ARHGEF28: variants seen among roughly 807,000 people sequenced by gnomAD.
ARHGEF28 encodes the protein 190 kDa guanine nucleotide exchange factor.
In ARHGEF28, 152 loss-of-function variants were observed where a neutral mutation model predicts 206.6. The observed-to-expected ratio is 0.74, with a 90% CI of 0.64 to 0.84. The LOEUF is 0.84. Among genes scored for constraint, ARHGEF28 ranks in the 40% least tolerant of loss-of-function variants. The pLI is 0.00. For missense variants in ARHGEF28, 2,028 were observed against 2,073.2 expected (o/e 0.98, Z 0.42); for synonymous variants, 763 against 776.4 (o/e 0.98, Z 0.29).
intron 9 of ARHGEF28, among the ~76,000 whole-genome samples, chr5:73,818,584 C>G (rs939755953): frequency 3.3e-5 from 5 of 152,122 alleles, no homozygotes; most frequent in African/African-American, 1.2e-4. Flanking sequence ...TTCTTTGGCT[C>G]TCAATGAAGG....
At chr5:73,939,433 T>C (rs6861023) in intron 35 of ARHGEF28, among the ~76,000 whole-genome samples, 1,548 of 152,322 alleles carry the variant, frequency 0.01, 27 homozygotes, top group African/African-American at 0.035. Flanking sequence ...GGGTCAGGGA[T>C]GGGCTAAGCC....
Position 73,710,422 on chromosome 5 carries a change from T to C in ARHGEF28, c.33+25538T>C, listed in dbSNP as rs568253418. On this transcript the variant is annotated intron_variant, in intron 2 of 35. Transcript: ENST00000513042. ...TTATTGGATTGTTTTCTTGTTGAGA[T>C]GTAAGGGTCCTGGATACAGCTTCCT... Among the ~76,000 whole-genome samples the C allele has an allele frequency of 1.2e-4, 18 of 152,352 alleles. 3 individuals carry two copies. The highest frequency in any genetic ancestry group is 4.1e-4 in the African/African-American group (17 of 41,580).
chr5:73,813,950 A>C (rs1167419646), intron 9 of ARHGEF28, among the ~76,000 whole-genome samples: 3 of 151,928 alleles, frequency 2.0e-5, no homozygotes, highest in African/African-American at 7.3e-5. Flanking sequence ...GTATAAGGTA[A>C]ATGTTTTGGA....
chr5:73,698,909 G>C (rs1206273326), intron 2 of ARHGEF28, among the ~76,000 whole-genome samples: 2 of 151,882 alleles, frequency 1.3e-5, no homozygotes, highest in Admixed American at 1.3e-4. Context: ...GAGGGTTGCT[G>C]TGAGCCTGGG....
At chr5:73,662,580 T>A (rs1188000303) in intron 1 of ARHGEF28, among the ~76,000 whole-genome samples, 1 of 152,256 alleles carries the variant, frequency 6.6e-6, no homozygotes, top group Non-Finnish European at 1.5e-5. Context: ...ATGCAGATTA[T>A]ACATTTTTAA....
At chr5:73,898,253 A>C in intron 30 of ARHGEF28, 160 bp downstream of exon 30, 1 of 842,468 alleles carries the variant, frequency 1.2e-6, no homozygotes, top group Non-Finnish European at 1.7e-6. Flanking sequence ...AGCCTAAATG[A>C]ATATCATAGG....
intron 2 of ARHGEF28, among the ~76,000 whole-genome samples, chr5:73,712,047 G>C (rs1324436054): frequency 6.6e-6 from 1 of 151,618 alleles, no homozygotes; most frequent in Non-Finnish European, 1.5e-5. Context: ...TCTATTAGAT[G>C]GCATGGTTTT....
At chr5:73,742,560 C>T (rs1751497198) in intron 2 of ARHGEF28, among the ~76,000 whole-genome samples, 2 of 151,466 alleles carry the variant, frequency 1.3e-5, no homozygotes, top group Admixed American at 1.3e-4. Context: ...CGCAGTGGCT[C>T]ACGCCTGTAA....
chr5:73,773,936 C>T lies in ARHGEF28; in HGVS notation c.557C>T (p.Pro186Leu), dbSNP rs373137865. The T allele has an allele frequency of 1.5e-4, 245 of 1,607,472 alleles. 1 individual carries two copies. The South Asian group carries it at 1.8e-3, about 12-fold the overall frequency. ...AKLSQFFLCL[P>L]GGVQALALPN... is the part of the protein sequence containing the mutation. ...CTTTCCCAGTTCTTCTTGTGTCTCCCGGGGGGAGTCCAGGCCTTGGCTTTA... is the reference window on the plus strand; with the variant it reads ...CTTTCCCAGTTCTTCTTGTGTCTCCTGGGGGGAGTCCAGGCCTTGGCTTTA... Residue 186 changes from proline (P) to leucine (L), a missense_variant, in exon 5 of 36, where the codon CCG (proline) becomes CTG (leucine). By Grantham distance (98) the Pro-to-Leu change is moderately conservative. Around this residue, in one of 3 missense-constraint regions of ARHGEF28, gnomAD observed 1,002 missense variants for 1,015.3 expected, o/e 0.99. Coordinates refer to ENST00000513042, the MANE Select transcript of ARHGEF28 (RefSeq NM_001177693.2).
At chr5:73,927,079 G>A (rs981156154) in intron 35 of ARHGEF28, among the ~76,000 whole-genome samples, 2 of 152,110 alleles carry the variant, frequency 1.3e-5, no homozygotes, top group African/African-American at 4.8e-5. Flanking sequence ...CTGCTTTCTT[G>A]GCCAGGTGCA....
In ARHGEF28 at chr5:73,898,089, T is replaced by C. The variant is rs1459638377; in HGVS notation, c.3969T>C (p.Thr1323=). The C allele has an allele frequency of 2.5e-6, 4 of 1,611,126 alleles. No individual in the cohort carries two copies. The highest frequency in any genetic ancestry group is 1.6e-4 in the Middle Eastern group (1 of 6,080). The part of the protein sequence containing the change: ...LSSHDVPGSP[T]ASLVTGGREG... ...CTCATGATGTACCAGGATCACCGACTGCCTGTAAGTGAAAATGCAGGCCTT... is the reference window on the plus strand; with the variant it reads ...CTCATGATGTACCAGGATCACCGACCGCCTGTAAGTGAAAATGCAGGCCTT... Residue 1323 remains threonine (T), a synonymous_variant, in exon 30 of 36, where the codon ACT becomes ACC. Coordinates refer to ENST00000513042, the MANE Select transcript of ARHGEF28 (RefSeq NM_001177693.2).
At chr5:73,688,418 C>T (rs1009620476) in intron 2 of ARHGEF28, among the ~76,000 whole-genome samples, 10 of 152,050 alleles carry the variant, frequency 6.6e-5, no homozygotes, top group African/African-American at 1.4e-4. Context: ...CTCTATTTGT[C>T]GGGTCACTTT....
chr5:73,756,703 A>G lies in ARHGEF28; in HGVS notation c.475+3501A>G, dbSNP rs115532447. On this transcript the variant is annotated intron_variant, in intron 4 of 35. Coordinates refer to ENST00000513042, the MANE Select transcript of ARHGEF28 (RefSeq NM_001177693.2). ...TCTTAACAGATGTATTTATCAGTAC[A>G]TTTCTGTCAAAATTATTCCACGTTA... 5.3e-3 allele frequency among the ~76,000 whole-genome samples: 813 copies of G among 152,328 alleles called. 8 individuals carry two copies. The highest frequency in any genetic ancestry group is 0.015 in the African/African-American group (611 of 41,570).
Position 73,940,710 on chromosome 5 carries a change from T to G in ARHGEF28, c.4949-134T>G, listed in dbSNP as rs898025252. On this transcript the variant is annotated intron_variant, in intron 35 of 35. Transcript: ENST00000513042. ...TTTTGACACCTATTATGTTCCTTTC[T>G]CATTGGGCTTGGCCATTCTGTGGCT... The G allele has an allele frequency of 9.2e-6, 6 of 649,938 alleles. No homozygotes were observed. In the African/African-American group the frequency reaches 1.1e-4, roughly 12 times the overall value. The allele number at this position is 649,938 out of a possible 1,614,324, so 40.3% of individuals were successfully genotyped here.
intron 35 of ARHGEF28, among the ~76,000 whole-genome samples, chr5:73,916,655 T>C (rs998823618): frequency 6.6e-6 from 1 of 152,204 alleles, no homozygotes; most frequent in Non-Finnish European, 1.5e-5. Flanking sequence ...TTTAAAGCTG[T>C]ATCTACAAAT....
chr5:73,745,321 GA>G (rs1751665973), intron 2 of ARHGEF28, among the ~76,000 whole-genome samples: 1 of 151,946 alleles, frequency 6.6e-6, no homozygotes. Context: ...ATAGATTAAT[GA>G]AAAAATCTTT....
chr5:73,697,376 A>T (rs1193888337), intron 2 of ARHGEF28, among the ~76,000 whole-genome samples: 1 of 152,212 alleles, frequency 6.6e-6, no homozygotes, highest in Non-Finnish European at 1.5e-5. Context: ...TCCATTACTT[A>T]TAATAGAATA....
chr5:73,885,550 C>T (rs1469080699), intron 24 of ARHGEF28, among the ~76,000 whole-genome samples: 8 of 147,026 alleles, frequency 5.4e-5, no homozygotes, highest in African/African-American at 2.0e-4. Flanking sequence ...AGTCTTGGTT[C>T]CCTGCAACCT....
chr5:73,813,684 G>A, intron 9 of ARHGEF28: 2 of 1,534,948 alleles, frequency 1.3e-6, no homozygotes, highest in Non-Finnish European at 1.7e-6. Flanking sequence ...GTAGATTGCA[G>A]TATCTTTTCT....
Sources: allele counts gnomAD v4.1 joint callset (sites outside exome capture counted in the v4.1 genomes callset), GRCh38; gene constraint gnomAD v4.1.1; regional missense constraint gnomAD v4.1.1; transcripts MANE v1.5; gene names NCBI Gene and HGNC (gene_info 2026-07-23, HGNC 2026-07-21).